TRAPPC12: variants seen among roughly 807,000 people sequenced by gnomAD.
TRAPPC12 encodes trafficking protein particle complex subunit 12.
TRAPPC12 carries 61 observed loss-of-function variants against 69.2 expected under a neutral mutation model. That is an observed-to-expected ratio of 0.88 (90% CI 0.72 to 1.09). The LOEUF (loss-of-function observed/expected upper bound fraction) is 1.09. Among genes scored for constraint, TRAPPC12 ranks in the 50% least tolerant of loss-of-function variants. The pLI, the probability that TRAPPC12 is intolerant of heterozygous loss-of-function variation, is 0.00. For missense variants in TRAPPC12, 1,101 were observed against 1,016.4 expected, an observed-to-expected ratio of 1.08 and a Z score of -1.13; for synonymous variants, 469 against 438.9, an observed-to-expected ratio of 1.07 and a Z score of -0.86.
At chr2:3,381,697 ATCAAG>A (rs1209487708) in intron 1 of TRAPPC12, among the ~76,000 whole-genome samples, 1 of 152,264 alleles carries the variant, frequency 6.6e-6, no homozygotes, top group African/African-American at 2.4e-5. Context: ...AGATTTAAAG[ATCAAG>A]TCAACCCAGT....
In TRAPPC12 at chr2:3,388,389, AC is replaced by A. The variant is rs1660620722; in HGVS notation, c.768del (p.Glu257ArgfsTer42). ...CCCGCCTCCCCTCGCTGTGCCCGGG[AC>A]CGAGGGGCGCCCCGAACCCGTGGCC... ...ASPPPLAVPGTEGRPEPVAMR... is the reference protein window; with the variant it reads ...ASPPPLAVPGXEGRPEPVAMR... On this transcript the variant is annotated frameshift_variant, in exon 2 of 12. Coordinates refer to ENST00000324266, the MANE Select transcript of TRAPPC12 (RefSeq NM_016030.6). LOFTEE classifies it high-confidence loss of function. 2 of 1,603,138 alleles carry A rather than the reference AC, an allele frequency of 1.2e-6. No homozygotes were observed. Among genetic ancestry groups the A allele is most frequent in the Non-Finnish European group, 1.7e-6 (2 of 1,174,982 alleles).
chr2:3,449,922 G>C (rs866558374), intron 6 of TRAPPC12, among the ~76,000 whole-genome samples: 4 of 152,112 alleles, frequency 2.6e-5, no homozygotes, highest in Admixed American at 1.3e-4. Flanking sequence ...ATCCATCGAG[G>C]CCACTTCCCT....
chr2:3,459,318 G>A (rs927114232), intron 7 of TRAPPC12, among the ~76,000 whole-genome samples: 2 of 152,250 alleles, frequency 1.3e-5, no homozygotes, highest in African/African-American at 4.8e-5. Context: ...AGGAGCGCTG[G>A]ACAAGGGGTC....
At chr2:3,401,045 G>A (rs1375852310) in intron 2 of TRAPPC12, among the ~76,000 whole-genome samples, 1 of 152,228 alleles carries the variant, frequency 6.6e-6, no homozygotes, top group Admixed American at 6.5e-5. Context: ...TCTAATCAGA[G>A]GAGTCAGGTC....
At chr2:3,397,002 A>G (rs1661171008) in intron 2 of TRAPPC12, among the ~76,000 whole-genome samples, 1 of 152,202 alleles carries the variant, frequency 6.6e-6, no homozygotes, top group Non-Finnish European at 1.5e-5. Flanking sequence ...AAGGAAAGAA[A>G]GAAAAGAAAA....
rs928556214 is a variant in TRAPPC12 at position 3,379,709 on chromosome 2, A to C, written c.-172A>C. 1.3e-5 allele frequency: 2 copies of C among 152,310 alleles called. No homozygotes were observed. The highest frequency in any genetic ancestry group is 4.8e-5 in the African/African-American group (2 of 41,462). 9.4% of individuals were successfully genotyped at this position (152,310 alleles called of 1,614,324 possible). ...TGGGGGCAGGGCCTCGGGTTCCTGC[A>C]TCGGGCCTGAGCAGAACTAGGCGCG... On this transcript the variant is annotated 5_prime_UTR_variant, in exon 1 of 12. Coordinates refer to ENST00000324266, the MANE Select transcript of TRAPPC12 (RefSeq NM_016030.6).
At position 3,428,917 on chromosome 2, in the gene TRAPPC12, C is replaced by T. The variant is rs182463817; in HGVS notation, c.1417+4254C>T. On this transcript the variant is annotated intron_variant, in intron 5 of 11. Transcript: ENST00000324266. ...CTCTTGATTTTCCTTTCTTGCTCCTCAATCTCCACCCCCTTTTCCTCTGTT... is the reference window on the plus strand; with the variant it reads ...CTCTTGATTTTCCTTTCTTGCTCCTTAATCTCCACCCCCTTTTCCTCTGTT... 2.2e-4 allele frequency among the ~76,000 whole-genome samples: 34 copies of T among 152,202 alleles called. 1 individual carries two copies. The highest frequency in any genetic ancestry group is 2.1e-3 in the Admixed American group (32 of 15,286).
chr2:3,477,160 G>A (rs1222731157), intron 9 of TRAPPC12, among the ~76,000 whole-genome samples: 2 of 152,188 alleles, frequency 1.3e-5, no homozygotes, highest in African/African-American at 4.8e-5. Context: ...CATTTCAGTC[G>A]GGCAGCCGGT....
At chr2:3,405,483 AAT>A (rs1661682236) in intron 3 of TRAPPC12, among the ~76,000 whole-genome samples, 1 of 152,206 alleles carries the variant, frequency 6.6e-6, no homozygotes, top group Non-Finnish European at 1.5e-5. Flanking sequence ...TACGCTTTTC[AAT>A]ACAGCTTCTA....
chr2:3,401,706 T>C, intron 2 of TRAPPC12, 71 bp from the exon 3 acceptor site: 1 of 999,294 alleles, frequency 1.0e-6, no homozygotes, highest in Non-Finnish European at 1.4e-6. Context: ...TGTGTTTAGT[T>C]ATGGGTTCTG....
Position 3,400,127 on chromosome 2 carries a change from G to A in TRAPPC12, c.1048-1650G>A, listed in dbSNP as rs142463337. 5.3e-5 allele frequency among the ~76,000 whole-genome samples: 8 copies of A among 152,312 alleles called. No homozygotes were observed. In the East Asian group the frequency reaches 7.7e-4, roughly 15 times the overall value. ...TGTCAGCAGCTGCTGCGGGCCAGACGCCCAGAGCACGTGTCAGGGAAGATC... is the reference window on the plus strand; with the variant it reads ...TGTCAGCAGCTGCTGCGGGCCAGACACCCAGAGCACGTGTCAGGGAAGATC... On this transcript the variant is annotated intron_variant, in intron 2 of 11. Transcript: ENST00000324266.
chr2:3,398,763 C>T (rs1448177754), intron 2 of TRAPPC12, among the ~76,000 whole-genome samples: 2 of 152,228 alleles, frequency 1.3e-5, no homozygotes, highest in African/African-American at 4.8e-5. Flanking sequence ...TGCACCTGAC[C>T]AGGAGAATGG....
chr2:3,425,974 G>A (rs570951371), intron 5 of TRAPPC12, among the ~76,000 whole-genome samples: 65 of 152,254 alleles, frequency 4.3e-4, no homozygotes, highest in African/African-American at 1.4e-3. Flanking sequence ...CTTTGGAGGG[G>A]CATAGGAACG....
chr2:3,390,042 G>A (rs1253729961), intron 2 of TRAPPC12, among the ~76,000 whole-genome samples: 1 of 152,174 alleles, frequency 6.6e-6, no homozygotes, highest in East Asian at 1.9e-4. Flanking sequence ...TAGGTGAAGA[G>A]GGGTAATCAA....
At chr2:3,427,258 A>G (rs1044839782) in intron 5 of TRAPPC12, among the ~76,000 whole-genome samples, 22 of 152,018 alleles carry the variant, frequency 1.4e-4, no homozygotes, top group Admixed American at 1.2e-3. Flanking sequence ...CCGCCCTCCC[A>G]CGTGGTTCAT....
intron 3 of TRAPPC12, among the ~76,000 whole-genome samples, chr2:3,417,520 C>G (rs1224600475): frequency 6.6e-6 from 1 of 152,152 alleles, no homozygotes; most frequent in African/African-American, 2.4e-5. Flanking sequence ...GAACTGAAAT[C>G]TCACCATTGT....
chr2:3,474,875 GT>G (rs945589777), intron 9 of TRAPPC12, among the ~76,000 whole-genome samples: 2 of 152,158 alleles, frequency 1.3e-5, no homozygotes, highest in Non-Finnish European at 2.9e-5. Context: ...ATCTGCCTTA[GT>G]GTTGTGTGCC....
chr2:3,438,129 TCACCCCTGGATTAATCCCCCCAC>T (rs1572160711), intron 5 of TRAPPC12, among the ~76,000 whole-genome samples: 1 of 12,956 alleles, frequency 7.7e-5, no homozygotes, highest in African/African-American at 3.8e-4. Flanking sequence ...TAATACCCCA[TCACCCCTGGATTAATCCCCCCAC>T]CACCCCTGGA....
intron 8 of TRAPPC12, among the ~76,000 whole-genome samples, chr2:3,465,384 G>A (rs921112224): frequency 1.3e-5 from 2 of 151,960 alleles, no homozygotes; most frequent in African/African-American, 2.4e-5. Context: ...GTTGCGATGC[G>A]CACAGCTCAG....
Sources: gnomAD v4.1 joint callset for allele counts (sites outside exome capture counted in the v4.1 genomes callset) on GRCh38, gnomAD v4.1.1 for gene constraint, MANE v1.5 for transcripts, NCBI Gene and HGNC (gene_info 2026-07-23, HGNC 2026-07-21) for gene names.